PDE10A: variants seen among roughly 807,000 people sequenced by gnomAD.
The protein encoded by PDE10A is phosphodiesterase 10A.
A neutral mutation model predicts 97.7 loss-of-function variants in PDE10A; 39 were observed. That is an observed-to-expected ratio of 0.40 (90% confidence interval 0.31 to 0.52). PDE10A has a LOEUF of 0.52. Among genes scored for constraint, PDE10A ranks in the 20% least tolerant of loss-of-function variants. PDE10A has a pLI of 0.56. For missense variants in PDE10A, 731 were observed against 1,047.8 expected (o/e 0.70, Z 4.17); for synonymous variants, 371 against 376.8 (o/e 0.98, Z 0.18).
At chr6:165,678,211 G>GTA (rs1790871863) in intron 1 of PDE10A, among the ~76,000 whole-genome samples, 1 of 143,086 alleles carries the variant, frequency 7.0e-6, no homozygotes, top group African/African-American at 2.6e-5. Flanking sequence ...ATGTGTGTCT[G>GTA]TGTGTGTATA....
intron 1 of PDE10A, among the ~76,000 whole-genome samples, chr6:165,918,624 GTA>G (rs2128487859): frequency 6.6e-6 from 1 of 152,288 alleles, no homozygotes; most frequent in South Asian, 2.1e-4. Flanking sequence ...TTGCCATTTT[GTA>G]TATGTGCCTA....
intron 1 of PDE10A, among the ~76,000 whole-genome samples, chr6:165,860,358 C>T (rs1366139476): frequency 6.6e-6 from 1 of 152,180 alleles, no homozygotes; most frequent in Non-Finnish European, 1.5e-5. Flanking sequence ...GAGGCTGAGG[C>T]AGGAGAATCG....
Position 165,987,850 on chromosome 6 carries a change from C to T in PDE10A, c.-936G>A, listed in dbSNP as rs1043362508. 5.0e-5 allele frequency: 20 copies of T among 398,400 alleles called. 1 individual carries two copies. Among genetic ancestry groups the T allele is most frequent in the African/African-American group, 2.5e-4 (12 of 47,764 alleles). 24.7% of individuals were successfully genotyped at this position (398,400 alleles called of 1,614,324 possible). On this transcript the variant is annotated 5_prime_UTR_variant, in exon 1 of 20. Coordinates refer to the PDE10A transcript ENST00000366882. Reference sequence around the variant, plus strand: ...TTCCCTCCTTTCCATCTGGGGGTCTCGGGGAAAGCTGCACCCAGCGCCTTG... The same window carrying T: ...TTCCCTCCTTTCCATCTGGGGGTCTTGGGGAAAGCTGCACCCAGCGCCTTG...
At chr6:165,973,673 A>G (rs1233610839) in intron 1 of PDE10A, among the ~76,000 whole-genome samples, 1 of 152,222 alleles carries the variant, frequency 6.6e-6, no homozygotes, top group Non-Finnish European at 1.5e-5. Flanking sequence ...ACAGATGAGA[A>G]GCACCGCCGC....
chr6:165,812,507 C>T (rs1197359605), intron 1 of PDE10A, among the ~76,000 whole-genome samples: 1 of 152,070 alleles, frequency 6.6e-6, no homozygotes, highest in Non-Finnish European at 1.5e-5. Context: ...TTCACACTGA[C>T]TGCATAGTCA....
chr6:165,884,401 G>T (rs778671883), intron 1 of PDE10A, among the ~76,000 whole-genome samples: 3 of 152,166 alleles, frequency 2.0e-5, no homozygotes, highest in Non-Finnish European at 4.4e-5. Context: ...CAGGAATGCA[G>T]GTCCTGGACA....
chr6:165,435,424 T>C, intron 5 of PDE10A, 47 bp from the exon 6 acceptor site: 1 of 1,549,470 alleles, frequency 6.5e-7, no homozygotes, highest in African/African-American at 1.4e-5. Flanking sequence ...TACATGTGCA[T>C]AGTACAAAAA....
chr6:165,622,205 AC>A (rs768018175), intron 1 of PDE10A, among the ~76,000 whole-genome samples: 10 of 152,110 alleles, frequency 6.6e-5, no homozygotes, highest in Non-Finnish European at 1.5e-4. Context: ...GGCCTCCTCA[AC>A]CACGTGAGCC....
intron 1 of PDE10A, among the ~76,000 whole-genome samples, chr6:165,733,785 C>T (rs1792496883): frequency 6.6e-6 from 1 of 152,152 alleles, no homozygotes; most frequent in African/African-American, 2.4e-5. Flanking sequence ...TCTCTTCTTC[C>T]TGCACCAAGC....
chr6:165,859,609 T>C (rs1356644434), intron 1 of PDE10A, among the ~76,000 whole-genome samples: 1 of 152,240 alleles, frequency 6.6e-6, no homozygotes, highest in African/African-American at 2.4e-5. Flanking sequence ...AGCTGCCACA[T>C]GTTCAGCTAC....
At position 165,405,448 on chromosome 6, in the gene PDE10A, A is replaced by G. The variant is rs151073622; in HGVS notation, c.2076+8053T>C. Among the ~76,000 whole-genome samples the G allele has an allele frequency of 5.6e-3, 857 of 152,374 alleles. 37 individuals carry two copies. The South Asian group carries it at 0.082, about 14-fold the overall frequency. On this transcript the variant is annotated intron_variant, in intron 13 of 21. Coordinates refer to ENST00000539869, the MANE Select transcript of PDE10A (RefSeq NM_001385079.1). The stretch of plus-strand genomic sequence containing the variant: ...AAAATTGGCTGCAATGATAATTCAT[A>G]AAATATAATGACTAATGTGAAAACA...
chr6:165,738,836 C>T (rs1233423712), intron 1 of PDE10A, among the ~76,000 whole-genome samples: 1 of 152,146 alleles, frequency 6.6e-6, no homozygotes, highest in African/African-American at 2.4e-5. Context: ...TGTTCATGTC[C>T]TTCGCCCACT....
intron 1 of PDE10A, among the ~76,000 whole-genome samples, chr6:165,790,481 G>A (rs9355548): frequency 0.59 from 89,158 of 151,964 alleles, 26,230 homozygotes; most frequent in Non-Finnish European, 0.62. Flanking sequence ...ATTGTAATAA[G>A]CCAATAAGCA....
intron 1 of PDE10A, among the ~76,000 whole-genome samples, chr6:165,686,952 G>C (rs976889652): frequency 2.0e-5 from 3 of 151,800 alleles, no homozygotes; most frequent in Non-Finnish European, 4.4e-5. Context: ...ATGTTAAGGA[G>C]AGTGACATGA....
intron 16 of PDE10A, among the ~76,000 whole-genome samples, chr6:165,392,035 G>T (rs2128215477): frequency 6.6e-6 from 1 of 152,198 alleles, no homozygotes; most frequent in East Asian, 1.9e-4. Flanking sequence ...TTGTCCAGAT[G>T]TAGAATCAGC....
intron 1 of PDE10A, among the ~76,000 whole-genome samples, chr6:165,630,489 C>A (rs1788579564): frequency 6.6e-6 from 1 of 152,078 alleles, no homozygotes; most frequent in African/African-American, 2.4e-5. Flanking sequence ...TTAAAAACTG[C>A]AATTATGTCA....
intron 5 of PDE10A, among the ~76,000 whole-genome samples, chr6:165,437,858 A>G (rs1353603649): frequency 2.6e-5 from 4 of 152,186 alleles, no homozygotes. Context: ...GCCTCCAAAC[A>G]ATTTACCTGC....
chr6:165,640,253 T>A (rs776900017), intron 1 of PDE10A, among the ~76,000 whole-genome samples: 13 of 152,170 alleles, frequency 8.5e-5, no homozygotes, highest in Non-Finnish European at 1.9e-4. Flanking sequence ...GTTTTAAAAA[T>A]TTTTTAAAAA....
chr6:165,877,136 T>G (rs1304263312), intron 1 of PDE10A, among the ~76,000 whole-genome samples: 1 of 152,230 alleles, frequency 6.6e-6, no homozygotes, highest in African/African-American at 2.4e-5. Context: ...GCTTTTAGAA[T>G]GAATAATTGT....
Sources: allele counts gnomAD v4.1 joint callset (sites outside exome capture counted in the v4.1 genomes callset), GRCh38; gene constraint gnomAD v4.1.1; transcripts MANE v1.5; gene names NCBI Gene and HGNC (gene_info 2026-07-23, HGNC 2026-07-21).